RSRC1: variants seen among roughly 807,000 people sequenced by gnomAD.
RSRC1 encodes serine/Arginine-related protein 53.
In RSRC1, 39 loss-of-function variants were observed where a neutral mutation model predicts 49.1. That is an observed-to-expected ratio of 0.79 (90% CI 0.61 to 1.04). The LOEUF (loss-of-function observed/expected upper bound fraction) is 1.04. Among genes scored for constraint, RSRC1 ranks in the 50% least tolerant of loss-of-function variants. The pLI, the probability that RSRC1 is intolerant of heterozygous loss-of-function variation, is 0.00. For synonymous variants in RSRC1, 143 were observed against 130.8 expected, an observed-to-expected ratio of 1.09 and a Z score of -0.63; for missense variants, 388 against 402.4, an observed-to-expected ratio of 0.96 and a Z score of 0.31.
At chr3:158,249,109 C>A (rs1035743658) in intron 4 of RSRC1, among the ~76,000 whole-genome samples, 1 of 151,968 alleles carries the variant, frequency 6.6e-6, no homozygotes, top group Admixed American at 6.6e-5. Flanking sequence ...TGTGTCTAGT[C>A]AATATTTCTC....
At chr3:158,472,266 A>G (rs935806901) in intron 7 of RSRC1, among the ~76,000 whole-genome samples, 2 of 152,156 alleles carry the variant, frequency 1.3e-5, no homozygotes, top group African/African-American at 2.4e-5. Flanking sequence ...ATTGAAAATA[A>G]TATCTTCTGT....
At chr3:158,393,463 C>T (rs534074847) in intron 6 of RSRC1, among the ~76,000 whole-genome samples, 1 of 151,714 alleles carries the variant, frequency 6.6e-6, no homozygotes, top group Non-Finnish European at 1.5e-5. Flanking sequence ...TAAACACAAT[C>T]AGAAATGACA....
chr3:158,308,124 T>C (rs1490106851), intron 5 of RSRC1, among the ~76,000 whole-genome samples: 1 of 151,950 alleles, frequency 6.6e-6, no homozygotes, highest in Admixed American at 6.6e-5. Context: ...TTGTAACTGT[T>C]ATACACAGAT....
intron 4 of RSRC1, among the ~76,000 whole-genome samples, chr3:158,283,261 T>A (rs535656866): frequency 6.6e-6 from 1 of 152,150 alleles, no homozygotes; most frequent in African/African-American, 2.4e-5. Flanking sequence ...CAGAATAATA[T>A]ACTACTCAAT....
At chr3:158,205,644 G>A (rs765261545) in intron 4 of RSRC1, among the ~76,000 whole-genome samples, 60 of 152,060 alleles carry the variant, frequency 3.9e-4, no homozygotes, top group Non-Finnish European at 7.2e-4. Flanking sequence ...GTACCAGTTA[G>A]GATGCTTTGG....
At chr3:158,230,600 T>C (rs1423284811) in intron 4 of RSRC1, among the ~76,000 whole-genome samples, 1 of 152,178 alleles carries the variant, frequency 6.6e-6, no homozygotes, top group African/African-American at 2.4e-5. Flanking sequence ...AGTTTATTAT[T>C]CATAGTCTGT....
intron 4 of RSRC1, among the ~76,000 whole-genome samples, chr3:158,236,749 T>C (rs564207712): frequency 6.6e-6 from 1 of 152,356 alleles, no homozygotes; most frequent in South Asian, 2.1e-4. Context: ...AGAGATGTTG[T>C]ATTTGGGAAA....
At chr3:158,215,904 T>C (rs990759028) in intron 4 of RSRC1, among the ~76,000 whole-genome samples, 1 of 151,774 alleles carries the variant, frequency 6.6e-6, no homozygotes, top group Non-Finnish European at 1.5e-5. Flanking sequence ...GTTGTAGGGT[T>C]AATTTTAAGT....
chr3:158,287,697 A>G (rs913352202), intron 4 of RSRC1, among the ~76,000 whole-genome samples: 1 of 152,228 alleles, frequency 6.6e-6, no homozygotes, highest in East Asian at 1.9e-4. Flanking sequence ...AATTTAAGCT[A>G]TATAACAAGT....
intron 5 of RSRC1, among the ~76,000 whole-genome samples, chr3:158,330,887 T>C (rs1373026659): frequency 3.2e-5 from 1 of 31,300 alleles, no homozygotes; most frequent in Non-Finnish European, 8.1e-5. Context: ...GGGTAACTTA[T>C]TAAAAAAAAA....
chr3:158,414,837 A>G (rs79371225), intron 6 of RSRC1, among the ~76,000 whole-genome samples: 3,049 of 152,274 alleles, frequency 0.02, 82 homozygotes, highest in African/African-American at 0.07. Flanking sequence ...TCAAGAAAAA[A>G]AATCTTTTTA....
At chr3:158,428,169 T>C (rs1465795840) in intron 6 of RSRC1, among the ~76,000 whole-genome samples, 4 of 151,796 alleles carry the variant, frequency 2.6e-5, no homozygotes, top group Admixed American at 2.0e-4. Flanking sequence ...GCCTCTACTC[T>C]CAGTATTGCA....
At chr3:158,341,569 G>A (rs749935508) in intron 5 of RSRC1, among the ~76,000 whole-genome samples, 3 of 152,218 alleles carry the variant, frequency 2.0e-5, no homozygotes, top group South Asian at 2.1e-4. Context: ...GTTTGGAAAC[G>A]CCTGGTTGCC....
intron 7 of RSRC1, among the ~76,000 whole-genome samples, chr3:158,464,436 G>C (rs188174905): frequency 6.6e-6 from 1 of 152,018 alleles, no homozygotes; most frequent in Non-Finnish European, 1.5e-5. Context: ...CCATCTGTTA[G>C]TTTTTTTACT....
At chr3:158,530,721 C>T (rs1712336663) in intron 7 of RSRC1, among the ~76,000 whole-genome samples, 1 of 151,604 alleles carries the variant, frequency 6.6e-6, no homozygotes, top group Non-Finnish European at 1.5e-5. Flanking sequence ...TCTTGAACCA[C>T]TTGCCCAAAG....
At chr3:158,194,224 C>A (rs868072161) in intron 3 of RSRC1, among the ~76,000 whole-genome samples, 1 of 151,158 alleles carries the variant, frequency 6.6e-6, no homozygotes, top group Non-Finnish European at 1.5e-5. Context: ...CAGTAAGATA[C>A]GATCATCCTG....
At chr3:158,114,621 C>G (rs1379820152) in intron 1 of RSRC1, among the ~76,000 whole-genome samples, 1 of 152,074 alleles carries the variant, frequency 6.6e-6, no homozygotes, top group African/African-American at 2.4e-5. Context: ...ATTGATTCTT[C>G]CTATCTGTGA....
At chr3:158,314,306 T>C (rs965454018) in intron 5 of RSRC1, among the ~76,000 whole-genome samples, 8 of 152,100 alleles carry the variant, frequency 5.3e-5, no homozygotes, top group Non-Finnish European at 1.2e-4. Flanking sequence ...TTGGCCAGGC[T>C]GGTCTCGAAC....
At chr3:158,386,139 T>C (rs1732953617) in intron 6 of RSRC1, among the ~76,000 whole-genome samples, 1 of 152,120 alleles carries the variant, frequency 6.6e-6, no homozygotes, top group Non-Finnish European at 1.5e-5. Flanking sequence ...GTATTATATG[T>C]TTTAGAAAAC....
Sources: allele counts gnomAD v4.1 joint callset (sites outside exome capture counted in the v4.1 genomes callset), GRCh38; gene constraint gnomAD v4.1.1; transcripts MANE v1.5; gene names NCBI Gene and HGNC (gene_info 2026-07-23, HGNC 2026-07-21).